Variants in AP3D1 observed in about 807,000 individuals in gnomAD.
AP3D1 encodes the protein adaptor related protein complex 3 subunit delta 1.
In AP3D1, 51 loss-of-function variants were observed where a neutral mutation model predicts 147.6. The ratio of observed to expected loss-of-function variants is 0.35; its 90% CI spans 0.28 to 0.44. The LOEUF is 0.44. AP3D1 is among the 20% of genes least tolerant of loss of function. The probability of loss-of-function intolerance (pLI) is 1.00; values close to 1 mark genes in which losing one functional copy is unlikely to be tolerated. For missense variants in AP3D1, 1,421 were observed against 1,624.2 expected, an observed-to-expected ratio of 0.87 and a Z score of 2.15; for synonymous variants, 760 against 663.0, an observed-to-expected ratio of 1.15 and a Z score of -2.25.
At chr19:2,103,500 C>T (rs993603716) in intron 31 of AP3D1, among the ~76,000 whole-genome samples, 6 of 152,170 alleles carry the variant, frequency 3.9e-5, no homozygotes, top group South Asian at 2.1e-4. Flanking sequence ...GGGAGGTACG[C>T]GGGGAAAGCC....
At chr19:2,117,149 C>T in intron 16 of AP3D1, 73 bp downstream of exon 16, 1 of 1,501,434 alleles carries the variant, frequency 6.7e-7, no homozygotes, top group Non-Finnish European at 8.9e-7. Flanking sequence ...TGCAGGAGCC[C>T]CCGCTGTGCC....
At chr19:2,164,521 C>T, upstream of AP3D1, 1 of 298,252 alleles carries the variant, frequency 3.4e-6, no homozygotes, top group Non-Finnish European at 6.2e-6. Context: ...TGCCGTTGCC[C>T]CCGCCGGGCT....
At chr19:2,154,357 G>A (rs1247326135), upstream of AP3D1, among the ~76,000 whole-genome samples, 1 of 148,198 alleles carries the variant, frequency 6.7e-6, no homozygotes, top group Admixed American at 6.8e-5. Flanking sequence ...TTGGCTCACT[G>A]CAACCTCCAC....
chr19:2,116,291 G>C lies in AP3D1; in HGVS notation c.2002-13C>G. ...GGGCCTCTCGGCGCTGTGGGACACA[G>C]CTTGGCATGAGCCCGAGAGAAGCGG... On this transcript the variant is annotated splice_polypyrimidine_tract_variant and intron_variant, in intron 17 of 31. Transcript: ENST00000643116. The C allele has an allele frequency of 5.0e-6, 8 of 1,613,008 alleles. No homozygotes were observed. The highest frequency in any genetic ancestry group is 5.9e-6 in the Non-Finnish European group (7 of 1,179,626).
chr19:2,128,916 A>G (rs12971397), intron 8 of AP3D1, among the ~76,000 whole-genome samples, 174 bp downstream of exon 8: 2 of 198 alleles, frequency 0.01, no homozygotes, highest in Admixed American at 0.056. Context: ...CCGCCGCTCC[A>G]ACACTGCACC....
intron 1 of AP3D1, among the ~76,000 whole-genome samples, chr19:2,160,594 C>T (rs2019688855): frequency 6.6e-6 from 1 of 152,060 alleles, no homozygotes; most frequent in Admixed American, 6.6e-5. Flanking sequence ...GTCCATCCTC[C>T]ACCAGCTCCC....
At chr19:2,110,270 C>G (rs1477856359) in intron 27 of AP3D1, 46 bp from the exon 28 acceptor site, 3 of 1,543,774 alleles carry the variant, frequency 1.9e-6, no homozygotes, top group South Asian at 2.2e-5. Context: ...TGCGGGGGCT[C>G]AGCATGGGTG....
In AP3D1 at chr19:2,117,356, G is replaced by C; in HGVS notation, c.1725C>G (p.Ile575Met). Residue 575 changes from isoleucine (I) to methionine (M), a missense_variant, in exon 16 of 32, where the codon ATC becomes ATG. Transcript: ENST00000643116. ...TCTGGATGTGCTTGACCAGCTGCAG[G>C]ATGCAGGACGCCTGTGGGGGACACA... ...DLEVQERASC[I>M]LQLVKHIQKL... 6.2e-7 allele frequency: 1 copy of C among 1,604,476 alleles called. No homozygotes were observed. Among genetic ancestry groups the C allele is most frequent in the Non-Finnish European group, 8.5e-7 (1 of 1,176,354 alleles).
rs1271623264 is a variant in AP3D1 at position 2,116,204 on chromosome 19, C to T, written c.2073+3G>A. ...GGGACAGGCACCCGGGGACGGGCCT[C>T]ACCTTCTGTGGCGATGGCGAGCTCT... On this transcript the variant is annotated splice_donor_region_variant and intron_variant, in intron 18 of 31. Coordinates refer to ENST00000643116, the MANE Select transcript of AP3D1 (RefSeq NM_001261826.3). The T allele has an allele frequency of 2.5e-6, 4 of 1,614,136 alleles. No individual in the cohort carries two copies. The highest frequency in any genetic ancestry group is 3.4e-6 in the Non-Finnish European group (4 of 1,179,994).
At chr19:2,162,868 C>T (rs1284981535) in intron 1 of AP3D1, among the ~76,000 whole-genome samples, 3 of 151,852 alleles carry the variant, frequency 2.0e-5, no homozygotes, top group African/African-American at 7.3e-5. Flanking sequence ...TCTGGCTGGG[C>T]AGGGAGGGTG....
At position 2,109,882 on chromosome 19, in the gene AP3D1, G is replaced by A; in HGVS notation, c.3341C>T (p.Pro1114Leu). The change falls in exon 29 of 32, where the codon CCC becomes CTC. Residue 1114 changes from proline to leucine, a missense_variant. Around this residue, in one of 6 missense-constraint regions of AP3D1, gnomAD observed 791 missense variants for 761.4 expected, o/e 1.04. Coordinates refer to ENST00000643116, the MANE Select transcript of AP3D1 (RefSeq NM_001261826.3). Reference sequence around the variant, plus strand: ...TGGGCCTGGGCCCCACCTGTAGCAGGGAGTGGTGATCAAGTAGGAGCTGCA... The same window carrying A: ...TGGGCCTGGGCCCCACCTGTAGCAGAGAGTGGTGATCAAGTAGGAGCTGCA... ...FSCSSYLITT[P>L]CYSDAFAKLL... 2 of 1,613,772 alleles carry A rather than the reference G, an allele frequency of 1.2e-6. No homozygotes were observed. Among genetic ancestry groups the A allele is most frequent in the Non-Finnish European group, 1.7e-6 (2 of 1,179,982 alleles).
intron 1 of AP3D1, among the ~76,000 whole-genome samples, chr19:2,143,055 C>G (rs542917572): frequency 6.6e-6 from 1 of 151,540 alleles, no homozygotes; most frequent in Non-Finnish European, 1.5e-5. Context: ...TGAGCCACCA[C>G]GCCCAGCCTC....
At chr19:2,155,632 C>T (rs1296325220), upstream of AP3D1, among the ~76,000 whole-genome samples, 1 of 151,922 alleles carries the variant, frequency 6.6e-6, no homozygotes, top group Non-Finnish European at 1.5e-5. Flanking sequence ...GTGTTTTCTA[C>T]CTAGCATTTT....
At chr19:2,146,701 T>C (rs1366759436) in intron 1 of AP3D1, among the ~76,000 whole-genome samples, 2 of 148,604 alleles carry the variant, frequency 1.3e-5, no homozygotes, top group Non-Finnish European at 3.0e-5. Context: ...ACATTTAGAA[T>C]CCACGCCCTC....
chr19:2,115,497 C>T (rs774513451), intron 19 of AP3D1, 41 bp downstream of exon 19: 1 of 1,611,096 alleles, frequency 6.2e-7, no homozygotes, highest in Non-Finnish European at 8.5e-7. Context: ...ACCCCACAGC[C>T]CATGTGACAA....
At chr19:2,113,011 G>A (rs1177692989) in intron 23 of AP3D1, 44 bp from the exon 24 acceptor site, 1 of 1,503,216 alleles carries the variant, frequency 6.7e-7, no homozygotes, top group Admixed American at 1.8e-5. Flanking sequence ...GCAATGAGGG[G>A]CCCCACTCCA....
rs568172396 is a variant in AP3D1, at chr19:2,114,371, C to T, written c.2424-69G>A. 5.2e-5 allele frequency: 70 copies of T among 1,340,860 alleles called. 2 individuals are homozygous for T. The South Asian group carries it at 7.5e-4, about 14-fold the overall frequency. 83.1% of individuals were successfully genotyped at this position (1,340,860 alleles called of 1,614,324 possible). A position where few individuals can be genotyped will look rare whatever the true frequency, so the allele number is the denominator to read the frequency against. On this transcript the variant is annotated intron_variant, in intron 21 of 31. Transcript: ENST00000643116. ...CCCCCCAGGACCACTCAGTACATGCCGTGTCCAAGCATGTGGCAGTGCGGG... is the reference window on the plus strand; with the variant it reads ...CCCCCCAGGACCACTCAGTACATGCTGTGTCCAAGCATGTGGCAGTGCGGG...
At chr19:2,148,810 T>C (rs1025816399) in intron 1 of AP3D1, among the ~76,000 whole-genome samples, 1 of 152,222 alleles carries the variant, frequency 6.6e-6, no homozygotes, top group African/African-American at 2.4e-5. Context: ...CTAAGCCTTG[T>C]TTCCATGATG....
intron 24 of AP3D1, chr19:2,112,120 C>G (rs1017336192): frequency 6.2e-6 from 3 of 480,870 alleles, no homozygotes; most frequent in African/African-American, 5.8e-5. Context: ...ACACTTGACG[C>G]AGCAACCCCA....
Sources: allele counts gnomAD v4.1 joint callset (sites outside exome capture counted in the v4.1 genomes callset), GRCh38; gene constraint gnomAD v4.1.1; regional missense constraint gnomAD v4.1.1; transcripts MANE v1.5; gene names NCBI Gene and HGNC (gene_info 2026-07-23, HGNC 2026-07-21).